GOLGA6L24: variants seen among roughly 807,000 people sequenced by gnomAD.
GOLGA6L24 encodes the protein golgin A6 family like 24, also known as golgin subfamily A member 6-like protein 24.
chr15:28,354,596 A>T, the GOLGA6L24 span: 1 of 1,054,352 alleles, frequency 9.5e-7, no homozygotes, highest in Non-Finnish European at 1.4e-6. Context: ...TCTTCTGTGT[A>T]GCGACAGCAG....
chr15:28,355,167 T>C, the GOLGA6L24 span, among the ~76,000 whole-genome samples: 297 of 150,486 alleles, frequency 2.0e-3, no homozygotes, highest in African/African-American at 3.3e-3. Flanking sequence ...GGGGTGAGCC[T>C]TCTTCCCCAG....
the GOLGA6L24 span, among the ~76,000 whole-genome samples, chr15:28,353,830 G>A: frequency 6.7e-6 from 1 of 149,366 alleles, no homozygotes; most frequent in East Asian, 2.0e-4. Context: ...GCTTCACCAG[G>A]CACTATGCTA....
At chr15:28,353,352 G>C in the GOLGA6L24 span, among the ~76,000 whole-genome samples, 1 of 140,686 alleles carries the variant, frequency 7.1e-6, no homozygotes, top group Non-Finnish European at 1.5e-5. Context: ...GGTCTCATTT[G>C]TTTTTCTTTC....
the GOLGA6L24 span, chr15:28,354,809 A>G: frequency 1.9e-6 from 3 of 1,604,222 alleles, no homozygotes; most frequent in East Asian, 2.2e-5. Context: ...GCTGTAGTAA[A>G]GTGCCATCTG....
chr15:28,351,467 TCCTCCTGCTCCTGCC>T, the GOLGA6L24 span: 1 of 71,704 alleles, frequency 1.4e-5, no homozygotes, highest in Non-Finnish European at 2.6e-5. Context: ...CCTCCACATC[TCCTCCTGCTCCTGCC>T]TCTTCTCCTC....
At chr15:28,353,431 G>A in the GOLGA6L24 span, among the ~76,000 whole-genome samples, 2 of 151,656 alleles carry the variant, frequency 1.3e-5, no homozygotes, top group Admixed American at 6.6e-5. Context: ...GAGTGCAATG[G>A]CACAATCTCA....
the GOLGA6L24 span, among the ~76,000 whole-genome samples, chr15:28,352,977 A>T: frequency 4.3e-5 from 1 of 23,192 alleles, no homozygotes; most frequent in African/African-American, 2.4e-4. Flanking sequence ...GCCTGAGGCT[A>T]CCCCATGAGT....
the GOLGA6L24 span, chr15:28,355,111 T>C: frequency 0.036 from 43,138 of 1,202,386 alleles, 88 homozygotes; most frequent in East Asian, 0.34. Flanking sequence ...GGCCCACCCA[T>C]GGGACCAGTT....
chr15:28,355,244 C>T, the GOLGA6L24 span, among the ~76,000 whole-genome samples: 4 of 151,694 alleles, frequency 2.6e-5, no homozygotes, highest in Admixed American at 1.3e-4. Context: ...GCGGTCATGT[C>T]GTGAGCAAAG....
the GOLGA6L24 span, chr15:28,353,242 GCTGGACGAC>G: frequency 2.0e-6 from 1 of 509,690 alleles, no homozygotes; most frequent in African/African-American, 2.2e-5. Context: ...CACAGCAGTA[GCTGGACGAC>G]CAGGAACAAC....
the GOLGA6L24 span, among the ~76,000 whole-genome samples, chr15:28,355,241 T>C: frequency 6.6e-6 from 1 of 151,568 alleles, no homozygotes; most frequent in African/African-American, 2.4e-5. Context: ...CCAGCGGTCA[T>C]GTCGTGAGCA....
At chr15:28,355,235 C>T in the GOLGA6L24 span, among the ~76,000 whole-genome samples, 12 of 151,500 alleles carry the variant, frequency 7.9e-5, no homozygotes, top group Admixed American at 6.6e-4. Flanking sequence ...CCAAACCCAG[C>T]GGTCATGTCG....
the GOLGA6L24 span, among the ~76,000 whole-genome samples, chr15:28,355,303 GGA>G: frequency 6.7e-6 from 1 of 149,870 alleles, no homozygotes; most frequent in Non-Finnish European, 1.5e-5. Context: ...GTTTCTGTGG[GGA>G]GAGTCAAAGG....
the GOLGA6L24 span, among the ~76,000 whole-genome samples, chr15:28,353,390 T>G: frequency 6.6e-6 from 1 of 150,478 alleles, no homozygotes; most frequent in Non-Finnish European, 1.5e-5. Flanking sequence ...TTTTTTTTTT[T>G]GGCAGAGTTT....
At chr15:28,354,460 T>A in the GOLGA6L24 span, 1 of 526,480 alleles carries the variant, frequency 1.9e-6, no homozygotes, top group Non-Finnish European at 3.2e-6. Flanking sequence ...CAGCAAGAAA[T>A]GGCCATGCTG....
the GOLGA6L24 span, chr15:28,350,866 C>T: frequency 4.6e-6 from 2 of 431,468 alleles, 1 homozygote; most frequent in Admixed American, 6.8e-5. Context: ...TCTCCTCCTG[C>T]CTCCGCATCT....
chr15:28,353,679 T>G, the GOLGA6L24 span, among the ~76,000 whole-genome samples: 48 of 149,194 alleles, frequency 3.2e-4, no homozygotes, highest in African/African-American at 1.0e-3. Context: ...CCCTCATTTG[T>G]TTTTCAAAGA....
the GOLGA6L24 span, chr15:28,355,098 A>G: frequency 6.7e-7 from 1 of 1,492,952 alleles, no homozygotes; most frequent in South Asian, 1.2e-5. Flanking sequence ...CTGCCCCAGA[A>G]CAGGCCCACC....
At chr15:28,355,052 T>C in the GOLGA6L24 span, 2 of 1,610,060 alleles carry the variant, frequency 1.2e-6, no homozygotes, top group Admixed American at 1.7e-5. Flanking sequence ...GAGGCAGAGA[T>C]GGCACAGCAA....
Sources: gnomAD v4.1 joint callset for allele counts (sites outside exome capture counted in the v4.1 genomes callset) on GRCh38, gnomAD v4.1.1 for gene constraint, MANE v1.5 for transcripts, NCBI Gene and HGNC (gene_info 2026-07-23, HGNC 2026-07-21) for gene names.